THRA: variants seen among roughly 807,000 people sequenced by gnomAD.
The protein encoded by THRA is EAR-7.
In THRA, 13 loss-of-function variants were observed where a neutral mutation model predicts 45.0. That is an observed-to-expected ratio of 0.29 (90% CI 0.19 to 0.46). THRA has a LOEUF of 0.46. Among genes scored for constraint, THRA ranks in the 20% least tolerant of loss-of-function variants. The pLI is 1.00. For missense variants in THRA, 278 were observed against 556.1 expected (o/e 0.50, Z 5.03); for synonymous variants, 195 against 214.0 (o/e 0.91, Z 0.78).
Position 40,089,305 on chromosome 17 carries a change from C to T in THRA, c.1082C>T (p.Pro361Leu), listed in dbSNP as rs1428715390. The part of the protein sequence containing the change: ...HYVNHRKHNI[P>L]HFWPKLLMKV... ...GTCAACCACCGCAAACACAACATTC[C>T]GCACTTCTGGCCCAAGCTGCTGATG... Residue 361 changes from proline (P) to leucine (L), a missense_variant, in exon 9 of 9, where the codon CCG (proline) becomes CTG (leucine). By Grantham distance (98) the Pro-to-Leu change is moderately conservative (BLOSUM62 -3). Around this residue, in one of 6 missense-constraint regions of THRA, gnomAD observed 66 missense variants for 94.7 expected, o/e 0.70. Coordinates refer to ENST00000450525, the MANE Select transcript of THRA (RefSeq NM_199334.5). This position sits in a 1 kb window ranked among gnomAD's most constrained non-coding sequence, Gnocchi z 6.1. The T allele has an allele frequency of 6.2e-6, 10 of 1,614,166 alleles. No homozygotes were observed. Among genetic ancestry groups the T allele is most frequent in the South Asian group, 1.1e-5 (1 of 91,082 alleles).
intron 6 of THRA, among the ~76,000 whole-genome samples, chr17:40,086,206 G>A (rs1156246501): frequency 5.3e-5 from 8 of 152,266 alleles, no homozygotes; most frequent in South Asian, 4.1e-4. Context: ...GGAGCATGCC[G>A]GGGGGTGGCA....
At position 40,092,435 on chromosome 17, in the gene THRA, GAGGGGTGGGACCGGC is replaced by G; in HGVS notation, c.*2987_*3001del. 1.3e-5 allele frequency: 2 copies of G among 152,630 alleles called. 1 individual carries two copies. The highest frequency in any genetic ancestry group is 6.8e-3 in the Middle Eastern group (2 of 294). 9.5% of individuals were successfully genotyped at this position (152,630 alleles called of 1,614,324 possible). On this transcript the variant is annotated 3_prime_UTR_variant, in exon 9 of 9. Coordinates refer to ENST00000450525, the MANE Select transcript of THRA (RefSeq NM_199334.5). ...GAAGGAGGTAGGTCTCTTCCCCAGGGAGGGGTGGGACCGGCAGGGGTGACTTGAGGGGCTCCTACT... is the reference window on the plus strand; with the variant it reads ...GAAGGAGGTAGGTCTCTTCCCCAGGGAGGGGTGACTTGAGGGGCTCCTACT...
At chr17:40,086,593 A>T in intron 6 of THRA, 114 bp from the exon 7 acceptor site, 1 of 1,357,106 alleles carries the variant, frequency 7.4e-7, no homozygotes, top group South Asian at 1.4e-5. Context: ...GGACTCAGGC[A>T]CGGGCGGCCC....
In THRA at chr17:40,086,689, C is replaced by G; in HGVS notation, c.577-18C>G. 3 of 1,609,306 alleles carry G rather than the reference C, an allele frequency of 1.9e-6. No individual in the cohort carries two copies. The highest frequency in any genetic ancestry group is 2.2e-5 in the South Asian group (2 of 90,964). On this transcript the variant is annotated intron_variant, in intron 6 of 8. Coordinates refer to ENST00000450525, the MANE Select transcript of THRA (RefSeq NM_199334.5). Reference sequence around the variant, plus strand: ...AAAGGGGTCTGCGGCCCCAGCTGACCCCCGTCTTTCTCTCTAGCCCGATGA... The same window carrying G: ...AAAGGGGTCTGCGGCCCCAGCTGACGCCCGTCTTTCTCTCTAGCCCGATGA...
intron 7 of THRA, among the ~76,000 whole-genome samples, chr17:40,087,865 TCTC>T (rs1287112578): frequency 6.6e-6 from 1 of 152,116 alleles, no homozygotes. Context: ...TTCAAGCAAT[TCTC>T]CTGCCTTAGC....
At chr17:40,093,507 C>T, downstream of THRA, 3 of 1,393,850 alleles carry the variant, frequency 2.2e-6, no homozygotes, top group Non-Finnish European at 1.9e-6. This position sits in a 1 kb window ranked among gnomAD's most constrained non-coding sequence, Gnocchi z 5.9. Context: ...CACCTCCCAT[C>T]CCGTAAGACC....
chr17:40,086,126 G>A (rs1251166412), intron 6 of THRA, among the ~76,000 whole-genome samples: 1 of 152,158 alleles, frequency 6.6e-6, no homozygotes, highest in Non-Finnish European at 1.5e-5. Flanking sequence ...AATATGATCA[G>A]TTTGGGAGGA....
At chr17:40,075,035 A>G (rs1986902632) in intron 2 of THRA, among the ~76,000 whole-genome samples, 1 of 152,268 alleles carries the variant, frequency 6.6e-6, no homozygotes, top group Non-Finnish European at 1.5e-5. Context: ...GAGCCCCACA[A>G]GCTCTTCCTT....
rs1987441739 is a variant in THRA at position 40,089,138 on chromosome 17, C to A, written c.983-68C>A. 1 of 1,516,028 alleles carries A rather than the reference C, an allele frequency of 6.6e-7. No individual in the cohort carries two copies. The highest frequency in any genetic ancestry group is 9.1e-7 in the Non-Finnish European group (1 of 1,104,446). 93.9% of individuals were successfully genotyped at this position (1,516,028 alleles called of 1,614,324 possible). A position where few individuals can be genotyped will look rare whatever the true frequency, so the allele number is the denominator to read the frequency against. Reference sequence around the variant, plus strand: ...CTAGTCCTTTCTTCCCACGTCCCCACACCTCACCCTCCCCATCTCCAGGCC... The same window carrying A: ...CTAGTCCTTTCTTCCCACGTCCCCAAACCTCACCCTCCCCATCTCCAGGCC... On this transcript the variant is annotated intron_variant, in intron 8 of 8. Coordinates refer to ENST00000450525, the MANE Select transcript of THRA (RefSeq NM_199334.5). The surrounding 1 kb of genome is among the most constrained non-coding windows in gnomAD (Gnocchi z 6.1).
At position 40,084,758 on chromosome 17, in the gene THRA, G is replaced by A; in HGVS notation, c.519G>A (p.Glu173=). ...GGGATCTGATCCACATTGCCACAGA[G>A]GCCCATCGCAGCACCAATGCCCAGG... ...EEWDLIHIAT[E]AHRSTNAQGS... is the part of the protein sequence containing the mutation. Residue 173 remains glutamate, a synonymous_variant, in exon 6 of 9, where the codon GAG becomes GAA. Coordinates refer to ENST00000450525, the MANE Select transcript of THRA (RefSeq NM_199334.5). 1 of 1,614,058 alleles carries A rather than the reference G, an allele frequency of 6.2e-7. No homozygotes were observed. Among genetic ancestry groups the A allele is most frequent in the South Asian group, 1.1e-5 (1 of 91,080 alleles).
intron 1 of THRA, among the ~76,000 whole-genome samples, chr17:40,065,592 C>A (rs1009296984): frequency 2.6e-5 from 4 of 152,186 alleles, no homozygotes; most frequent in Non-Finnish European, 2.9e-5. Flanking sequence ...CAGCAATGTT[C>A]TTCATACTTT....
At chr17:40,069,232 C>T (rs1393274799) in intron 1 of THRA, among the ~76,000 whole-genome samples, 3 of 150,450 alleles carry the variant, frequency 2.0e-5, no homozygotes, top group South Asian at 2.1e-4. Context: ...TTCCCTCCCC[C>T]TTCCTCCCTC....
At chr17:40,068,620 C>G (rs559079807) in intron 1 of THRA, among the ~76,000 whole-genome samples, 21 of 152,332 alleles carry the variant, frequency 1.4e-4, no homozygotes, top group African/African-American at 5.1e-4. Context: ...CCAGGAAATA[C>G]TATCCTTGCT....
intron 4 of THRA, among the ~76,000 whole-genome samples, chr17:40,082,145 T>G (rs1987158397): frequency 6.6e-6 from 1 of 151,722 alleles, no homozygotes; most frequent in South Asian, 2.1e-4. Context: ...GAATGGTTTT[T>G]GGGTCAGTGT....
chr17:40,090,061 GA>G lies in THRA; in HGVS notation c.*606del, dbSNP rs1987476752. 1.0e-6 allele frequency: 1 copy of G among 981,048 alleles called. No homozygotes were observed. Among genetic ancestry groups the G allele is most frequent in the Non-Finnish European group, 1.2e-6 (1 of 825,428 alleles). 60.8% of individuals were successfully genotyped at this position (981,048 alleles called of 1,614,324 possible). The stretch of plus-strand genomic sequence containing the variant: ...GAGAAAAATACAAAAAAGAGAGAGC[GA>G]GCGATAGAGAGAGATGATATTAAGT... On this transcript the variant is annotated 3_prime_UTR_variant, in exon 9 of 9. Transcript: ENST00000450525.
Position 40,074,308 on chromosome 17 carries a change from C to T in THRA, c.-181C>T, listed in dbSNP as rs1192972146. The T allele has an allele frequency of 2.6e-5, 17 of 661,438 alleles. No individual in the cohort carries two copies. Among genetic ancestry groups the T allele is most frequent in the Non-Finnish European group, 4.2e-5 (16 of 385,428 alleles). The allele number at this position is 661,438 out of a possible 1,614,324, so 41.0% of individuals were successfully genotyped here. A position where few individuals can be genotyped will look rare whatever the true frequency, so the allele number is the denominator to read the frequency against. On this transcript the variant is annotated 5_prime_UTR_variant, in exon 2 of 9. Transcript: ENST00000450525. Reference sequence around the variant, plus strand: ...CCACTCCCTGGCCCCTCCCACCGCCCGCCCCCCTTGGGGCGCAGGGCATGG... The same window carrying T: ...CCACTCCCTGGCCCCTCCCACCGCCTGCCCCCCTTGGGGCGCAGGGCATGG...
chr17:40,086,571 G>T (rs923699603), intron 6 of THRA, 136 bp from the exon 7 acceptor site: 1 of 1,080,608 alleles, frequency 9.3e-7, no homozygotes, highest in Non-Finnish European at 1.3e-6. Flanking sequence ...TGAAGGAAAA[G>T]CTTTGGGCCT....
chr17:40,073,182 G>A (rs1182076966), intron 1 of THRA, among the ~76,000 whole-genome samples: 1 of 152,128 alleles, frequency 6.6e-6, no homozygotes, highest in Non-Finnish European at 1.5e-5. Context: ...GTATGTTGGG[G>A]AGCTGTACCC....
chr17:40,074,115 A>G (rs560947992), intron 1 of THRA, 77 bp from the exon 2 acceptor site: 2 of 244,900 alleles, frequency 8.2e-6, no homozygotes, highest in African/African-American at 2.2e-5. Context: ...AAAGCCCCAA[A>G]TGTTGCCACC....
Sources: gnomAD v4.1 joint callset for allele counts (sites outside exome capture counted in the v4.1 genomes callset) on GRCh38, gnomAD v4.1.1 for gene constraint, gnomAD v4.1.1 regional missense constraint, Gnocchi (gnomAD v3.1) non-coding constraint, MANE v1.5 for transcripts, NCBI Gene and HGNC (gene_info 2026-07-23, HGNC 2026-07-21) for gene names.